MTO1: variants seen among roughly 807,000 people sequenced by gnomAD.
The protein encoded by MTO1 is 5-taurinomethyluridine-[tRNA] synthase subunit MTO1, mitochondrial.
MTO1 carries 46 observed loss-of-function variants against 71.6 expected under a neutral mutation model. That is an observed-to-expected ratio of 0.64 (90% confidence interval 0.51 to 0.82). The LOEUF (loss-of-function observed/expected upper bound fraction) is 0.82. MTO1 is among the 40% of genes least tolerant of loss of function. MTO1 has a pLI of 0.00. For missense variants in MTO1, 773 were observed against 867.5 expected, an observed-to-expected ratio of 0.89 and a Z score of 1.37; for synonymous variants, 297 against 312.1, an observed-to-expected ratio of 0.95 and a Z score of 0.51.
At chr6:73,464,321 G>GT (rs1770914851) in intron 1 of MTO1, 1 of 152,176 alleles carries the variant, frequency 6.6e-6, no homozygotes, top group Admixed American at 6.5e-5. Context: ...TGTTTTTACA[G>GT]TAGAGAGACT....
intron 3 of MTO1, among the ~76,000 whole-genome samples, chr6:73,467,951 G>T (rs2150028275): frequency 6.6e-6 from 1 of 152,156 alleles, no homozygotes; most frequent in South Asian, 2.1e-4. Flanking sequence ...CTCCTGAGTA[G>T]CTGGGACTAC....
rs536674550 is a variant in MTO1 at position 73,497,240 on chromosome 6, C to T, written c.1757-496C>T. ...CTATATCGGCTCACTGCAACCTCCA[C>T]CTCCGGGGTTCAAGCAATTCTCCTG... On this transcript the variant is annotated intron_variant, in intron 10 of 11. Coordinates refer to ENST00000498286, the MANE Select transcript of MTO1 (RefSeq NM_012123.4). 8.4e-4 allele frequency among the ~76,000 whole-genome samples: 117 copies of T among 139,192 alleles called. 1 individual carries two copies. Among genetic ancestry groups the T allele is most frequent in the East Asian group, 3.8e-3 (17 of 4,416 alleles). The allele number at this position is 139,192 out of a possible 152,430, so 91.3% of individuals were successfully genotyped here.
chr6:73,470,873 A>G (rs1334216810), intron 3 of MTO1, among the ~76,000 whole-genome samples: 1 of 152,114 alleles, frequency 6.6e-6, no homozygotes, highest in Non-Finnish European at 1.5e-5. Context: ...GAATCACTTG[A>G]ACCTGGGAGA....
At chr6:73,483,763 C>T (rs191568725) in intron 9 of MTO1, among the ~76,000 whole-genome samples, 21 of 150,178 alleles carry the variant, frequency 1.4e-4, no homozygotes, top group South Asian at 1.3e-3. Flanking sequence ...GGATTACAGG[C>T]GCCTGCCACC....
chr6:73,476,608 G>A (rs1159630419), intron 4 of MTO1, among the ~76,000 whole-genome samples: 1 of 151,752 alleles, frequency 6.6e-6, no homozygotes, highest in Non-Finnish European at 1.5e-5. Context: ...TATTTACTGT[G>A]TAAGATGGTA....
At chr6:73,482,868 T>C (rs955471475) in intron 9 of MTO1, among the ~76,000 whole-genome samples, 3 of 136,930 alleles carry the variant, frequency 2.2e-5, no homozygotes, top group Non-Finnish European at 4.6e-5. Context: ...CTCGGCTCAC[T>C]GCAAGCTCCG....
In MTO1 at chr6:73,466,397, C is replaced by A; in HGVS notation, c.406C>A (p.Gln136Lys). The A allele has an allele frequency of 1.2e-6, 2 of 1,614,092 alleles. No homozygotes were observed. Among genetic ancestry groups the A allele is most frequent in the Non-Finnish European group, 1.7e-6 (2 of 1,180,000 alleles). Residue 136 changes from glutamine to lysine, a missense_variant, in exon 2 of 12, where the codon CAG (glutamine) becomes AAG (lysine). Transcript: ENST00000498286. The stretch of plus-strand genomic sequence containing the variant: ...TCAGATTGATAGGAAACTCTATAAA[C>A]AGAACATGCAGGTAAGAATAGGGCA... ...RAQIDRKLYK[Q>K]NMQKEILNTP...
At chr6:73,481,229 C>G in intron 7 of MTO1, 1 of 186,802 alleles carries the variant, frequency 5.4e-6, no homozygotes, top group South Asian at 9.9e-5. Flanking sequence ...GCTGGGATTA[C>G]AGGTGTGAAC....
intron 4 of MTO1, 67 bp downstream of exon 4, chr6:73,473,721 C>CTTT (rs11417913): frequency 3.7e-3 from 3,151 of 843,806 alleles, no homozygotes; most frequent in South Asian, 4.4e-3. Context: ...AGTACTGTAA[C>CTTT]TTTTTTTTTT....
rs772318333 is a variant in MTO1 at position 73,461,851 on chromosome 6, C to T, written c.-4C>T. The T allele has an allele frequency of 1.6e-5, 26 of 1,609,270 alleles. No individual in the cohort carries two copies. The Admixed American group carries it at 2.8e-4, about 18-fold the overall frequency. ...TTCAAAGTCAGATAGATTTTTCTCC[C>T]AGCATGTTCTACTTCCGAGGCTGTG... On this transcript the variant is annotated 5_prime_UTR_variant, in exon 1 of 12. Transcript: ENST00000498286.
chr6:73,495,701 T>G (rs1771961134), intron 10 of MTO1, among the ~76,000 whole-genome samples: 1 of 152,144 alleles, frequency 6.6e-6, no homozygotes, highest in Admixed American at 6.5e-5. Context: ...TCTCTCTTGT[T>G]TTGTTATATG....
intron 10 of MTO1, 58 bp from the exon 11 acceptor site, chr6:73,497,678 A>G: frequency 6.7e-7 from 1 of 1,498,910 alleles, no homozygotes; most frequent in South Asian, 1.2e-5. Flanking sequence ...ACATAAATGT[A>G]AGTTGTTAGT....
intron 10 of MTO1, among the ~76,000 whole-genome samples, chr6:73,492,996 T>TGTGTGTA (rs1256517671): frequency 0.022 from 130 of 5,852 alleles, no homozygotes; most frequent in African/African-American, 0.062. Context: ...GTGTGTGTAT[T>TGTGTGTA]TTTTTTTTTT....
chr6:73,492,806 T>TAGAAA (rs72134280), intron 10 of MTO1: 8 of 141,644 alleles, frequency 5.6e-5, no homozygotes, highest in Admixed American at 1.4e-4. Flanking sequence ...AGATGACATC[T>TAGAAA]AAAAAAAAAA....
intron 4 of MTO1, among the ~76,000 whole-genome samples, chr6:73,479,393 G>A (rs1771423424): frequency 2.0e-5 from 3 of 152,068 alleles, no homozygotes; most frequent in Admixed American, 2.0e-4. Flanking sequence ...TACTTGGGAG[G>A]CTGAGGCAGG....
In MTO1 at chr6:73,461,827, T is replaced by C. The variant is rs756865779; in HGVS notation, c.-28T>C. The stretch of plus-strand genomic sequence containing the variant: ...TTTTTGACCGTCACTCGTGTCAGCT[T>C]CAAAGTCAGATAGATTTTTCTCCCA... On this transcript the variant is annotated 5_prime_UTR_variant, in exon 1 of 12. Coordinates refer to ENST00000498286, the MANE Select transcript of MTO1 (RefSeq NM_012123.4). 2 of 1,602,886 alleles carry C rather than the reference T, an allele frequency of 1.2e-6. No individual in the cohort carries two copies. Among genetic ancestry groups the C allele is most frequent in the South Asian group, 1.1e-5 (1 of 90,830 alleles).
intron 10 of MTO1, chr6:73,492,864 C>G (rs796440856): frequency 2.0e-5 from 3 of 151,146 alleles, no homozygotes; most frequent in African/African-American, 7.3e-5. Flanking sequence ...CACCTCAGAC[C>G]CACTGAGAAT....
Position 73,480,105 on chromosome 6 carries a change from A to G in MTO1, c.1108A>G (p.Lys370Glu). The change falls in exon 6 of 12, where the codon AAA (lysine) becomes GAA (glutamate). Residue 370 changes from lysine to glutamate, a missense_variant. Transcript: ENST00000498286. ...KMITCIRGLE[K>E]AKVIQPGYGV... ...GATCACATGCATCAGAGGCTTGGAG[A>G]AAGCTAAAGTGATTCAGCCAGGTAA... The G allele has an allele frequency of 6.2e-7, 1 of 1,614,012 alleles. No individual in the cohort carries two copies. The highest frequency in any genetic ancestry group is 8.5e-7 in the Non-Finnish European group (1 of 1,179,968).
rs556050914 is a variant in MTO1 at position 73,498,943 on chromosome 6, G to A, written c.1917+1047G>A. On this transcript the variant is annotated intron_variant, in intron 11 of 11. Transcript: ENST00000498286. ...GGGGTTTCACCATGTTGGCTGGGAT[G>A]GTCTCGATCTCCTGACCTCATGATC... Among the ~76,000 whole-genome samples the A allele has an allele frequency of 3.9e-5, 6 of 152,142 alleles. No homozygotes were observed. The South Asian group carries it at 1.2e-3, about 32-fold the overall frequency.
Sources: gnomAD v4.1 joint callset for allele counts (sites outside exome capture counted in the v4.1 genomes callset) on GRCh38, gnomAD v4.1.1 for gene constraint, MANE v1.5 for transcripts, NCBI Gene and HGNC (gene_info 2026-07-23, HGNC 2026-07-21) for gene names.